The following THADA variants were observed in gnomAD, a reference collection of about 807,000 sequenced individuals.
The protein encoded by THADA is THADA armadillo repeat containing, also known as tRNA (32-2'-O)-methyltransferase regulator THADA.
A neutral mutation model predicts 219.8 loss-of-function variants in THADA; 213 were observed. The observed-to-expected ratio is 0.97, with a 90% CI of 0.87 to 1.09. THADA has a LOEUF of 1.09. Among genes scored for constraint, THADA ranks in the 50% least tolerant of loss-of-function variants. The probability of loss-of-function intolerance (pLI) is 0.00; values close to 1 mark genes in which losing one functional copy is unlikely to be tolerated. For missense variants in THADA, 2,956 were observed against 2,311.3 expected (o/e 1.28, Z -5.72); for synonymous variants, 1,018 against 828.9 (o/e 1.23, Z -3.92).
At chr2:43,294,215 A>T (rs1457876662) in intron 31 of THADA, among the ~76,000 whole-genome samples, 1 of 152,352 alleles carries the variant, frequency 6.6e-6, no homozygotes, top group African/African-American at 2.4e-5. Context: ...TTAAAAAAAT[A>T]AAAAAACCAA....
chr2:43,512,566 G>A (rs1023678101), intron 22 of THADA, among the ~76,000 whole-genome samples: 1 of 152,302 alleles, frequency 6.6e-6, no homozygotes, highest in Middle Eastern at 3.4e-3. Context: ...GCAATGGCGC[G>A]ATCTTGCCTC....
At chr2:43,323,060 T>C (rs1678930920) in intron 30 of THADA, among the ~76,000 whole-genome samples, 1 of 152,168 alleles carries the variant, frequency 6.6e-6, no homozygotes, top group African/African-American at 2.4e-5. Context: ...TCGGTTCTGA[T>C]CATCACTCCT....
chr2:43,512,797 C>T lies in THADA; in HGVS notation c.3375-4017G>A, dbSNP rs1455296569. ...GATTACAGGCGTGAGCCACCGCACCCGGCCACAAGTTTTATTTAAACTATC... is the reference window on the plus strand; with the variant it reads ...GATTACAGGCGTGAGCCACCGCACCTGGCCACAAGTTTTATTTAAACTATC... On this transcript the variant is annotated intron_variant, in intron 22 of 37. Transcript: ENST00000405975. 2.6e-5 allele frequency among the ~76,000 whole-genome samples: 4 copies of T among 152,218 alleles called. No homozygotes were observed. In the South Asian group the frequency reaches 6.2e-4, roughly 24 times the overall value.
At chr2:43,554,857 G>T (rs751007530) in intron 17 of THADA, among the ~76,000 whole-genome samples, 1 of 152,116 alleles carries the variant, frequency 6.6e-6, no homozygotes, top group Non-Finnish European at 1.5e-5. Context: ...TGAAATGCTT[G>T]GGACCATAAG....
chr2:43,311,489 T>C (rs1677506926), intron 31 of THADA, among the ~76,000 whole-genome samples: 1 of 152,246 alleles, frequency 6.6e-6, no homozygotes, highest in Admixed American at 6.5e-5. Flanking sequence ...AGAGTTGGCA[T>C]ATGGCCCAGA....
intron 30 of THADA, among the ~76,000 whole-genome samples, chr2:43,321,292 T>G (rs1443943876): frequency 6.6e-6 from 1 of 152,226 alleles, no homozygotes; most frequent in Non-Finnish European, 1.5e-5. Flanking sequence ...GTAGAGACAG[T>G]AGGGACAGAC....
intron 35 of THADA, among the ~76,000 whole-genome samples, chr2:43,286,440 G>A (rs1217951570): frequency 6.6e-6 from 1 of 152,110 alleles, no homozygotes; most frequent in East Asian, 1.9e-4. Context: ...ACAAGAGGCT[G>A]GTTAAGAGTG....
chr2:43,479,107 A>G (rs1371127036), intron 26 of THADA, among the ~76,000 whole-genome samples: 1 of 152,180 alleles, frequency 6.6e-6, no homozygotes, highest in African/African-American at 2.4e-5. Context: ...AGAGCTCTTA[A>G]CTTACTTTCA....
intron 23 of THADA, among the ~76,000 whole-genome samples, chr2:43,506,134 A>C (rs1689639429): frequency 1.3e-5 from 2 of 152,206 alleles, no homozygotes; most frequent in Non-Finnish European, 2.9e-5. Flanking sequence ...AAAAGCAAAA[A>C]ATCTCTGGAT....
At chr2:43,542,139 G>A (rs148831037) in intron 20 of THADA, among the ~76,000 whole-genome samples, 127 of 152,112 alleles carry the variant, frequency 8.3e-4, no homozygotes, top group Non-Finnish European at 1.2e-3. Flanking sequence ...AATCCAAGAT[G>A]AACTATTATA....
chr2:43,573,309 A>T (rs1699498710), intron 11 of THADA, among the ~76,000 whole-genome samples: 3 of 152,228 alleles, frequency 2.0e-5, no homozygotes, highest in African/African-American at 7.2e-5. Flanking sequence ...AAATAAAATC[A>T]GGTGGAGAAA....
chr2:43,400,576 A>T (rs6722806), intron 28 of THADA, among the ~76,000 whole-genome samples: 53,056 of 149,570 alleles, frequency 0.35, 9,994 homozygotes, highest in African/African-American at 0.43. Flanking sequence ...CTAACGGTTA[A>T]GAGAATAGAA....
Position 43,354,306 on chromosome 2 carries a change from A to G in THADA, c.4228-10069T>C, listed in dbSNP as rs193007845. On this transcript the variant is annotated intron_variant, in intron 29 of 37. Coordinates refer to ENST00000405975, the MANE Select transcript of THADA (RefSeq NM_022065.5). ...GTAGCTGTATATATTTATAGGGTAC[A>G]TAAGATATTTTGATATAGGCATACG... Among the ~76,000 whole-genome samples the G allele has an allele frequency of 3.3e-5, 5 of 152,112 alleles. No individual in the cohort carries two copies. In the East Asian group the frequency reaches 9.7e-4, roughly 29 times the overall value.
intron 33 of THADA, 79 bp from the exon 34 acceptor site, chr2:43,291,847 T>G: frequency 7.8e-7 from 1 of 1,285,824 alleles, no homozygotes; most frequent in Non-Finnish European, 1.1e-6. Context: ...GCAGATAGTC[T>G]GTAATCCATG....
intron 36 of THADA, among the ~76,000 whole-genome samples, chr2:43,266,688 G>T (rs1462077059): frequency 6.6e-6 from 1 of 152,170 alleles, no homozygotes; most frequent in African/African-American, 2.4e-5. Context: ...GTGAAAGGAG[G>T]AGTCTCCTAA....
At chr2:43,552,810 G>GA (rs755530433) in intron 17 of THADA, among the ~76,000 whole-genome samples, 96 of 136,226 alleles carry the variant, frequency 7.0e-4, no homozygotes, top group Admixed American at 8.9e-4. Context: ...GCCACCAAAC[G>GA]AAAAAAAAAA....
chr2:43,393,419 T>C (rs1210954325), intron 29 of THADA, among the ~76,000 whole-genome samples: 2 of 152,140 alleles, frequency 1.3e-5, no homozygotes, highest in African/African-American at 4.8e-5. Context: ...TTTAATATGT[T>C]ATCTCAGCCG....
Position 43,400,470 on chromosome 2 carries a change from T to TATATATATATATATATATAA in THADA, c.4059-2332_4059-2331insTTATATATATATATATATAT, listed in dbSNP as rs1273903312. ...TCATAGACAAATTTATATATATATA[T>TATATATATATATATATATAA]ATATATAAATATATACACTAAGAAA... On this transcript the variant is annotated intron_variant, in intron 28 of 37. Transcript: ENST00000405975. Among the ~76,000 whole-genome samples, 135 of 143,428 alleles carry TATATATATATATATATATAA rather than the reference T, an allele frequency of 9.4e-4. 3 individuals are homozygous for TATATATATATATATATATAA. The highest frequency in any genetic ancestry group is 3.2e-3 in the African/African-American group (126 of 38,816). The allele number at this position is 143,428 out of a possible 152,430, so 94.1% of individuals were successfully genotyped here.
At chr2:43,257,603 T>C (rs1670475760) in intron 36 of THADA, among the ~76,000 whole-genome samples, 1 of 152,190 alleles carries the variant, frequency 6.6e-6, no homozygotes, top group Non-Finnish European at 1.5e-5. Flanking sequence ...TGTGCATGAG[T>C]TCATTCCAGA....
Sources: gnomAD v4.1 joint callset for allele counts (sites outside exome capture counted in the v4.1 genomes callset) on GRCh38, gnomAD v4.1.1 for gene constraint, MANE v1.5 for transcripts, NCBI Gene and HGNC (gene_info 2026-07-23, HGNC 2026-07-21) for gene names.